The following SUGCT variants were observed in gnomAD, a reference collection of about 807,000 sequenced individuals.
SUGCT encodes succinyl-CoA:glutarate CoA-transferase.
A neutral mutation model predicts 55.0 loss-of-function variants in SUGCT; 41 were observed. The observed-to-expected ratio is 0.74, with a 90% CI of 0.58 to 0.97. The LOEUF is 0.97. Ranked by LOEUF, SUGCT falls within the 50% of genes least tolerant of loss-of-function variation. The pLI is 0.00. For missense variants in SUGCT, 568 were observed against 547.8 expected (o/e 1.04, Z -0.37); for synonymous variants, 187 against 200.4 (o/e 0.93, Z 0.56).
chr7:40,405,495 A>C (rs934218627), intron 9 of SUGCT, among the ~76,000 whole-genome samples: 18 of 152,248 alleles, frequency 1.2e-4, no homozygotes, highest in African/African-American at 4.1e-4. Flanking sequence ...AGTATAGAAA[A>C]TATTTTACAA....
chr7:40,153,988 A>G (rs771919556), intron 1 of SUGCT: 6 of 277,964 alleles, frequency 2.2e-5, no homozygotes, highest in Non-Finnish European at 3.6e-5. Context: ...TGTACTCAGG[A>G]CGCGAAATGC....
intron 9 of SUGCT, among the ~76,000 whole-genome samples, chr7:40,319,996 T>G (rs1795641832): frequency 6.6e-6 from 1 of 152,070 alleles, no homozygotes; most frequent in Non-Finnish European, 1.5e-5. Context: ...AGGTTTCAGA[T>G]TTTTAAAAAA....
chr7:40,868,575 C>T, the SUGCT span, among the ~76,000 whole-genome samples: 51 of 152,248 alleles, frequency 3.3e-4, 1 homozygote, highest in East Asian at 9.1e-3. Context: ...GAGGTGAGCG[C>T]TTGCTCTGTC....
At chr7:40,720,355 A>G (rs1786261865) in intron 12 of SUGCT, among the ~76,000 whole-genome samples, 1 of 152,256 alleles carries the variant, frequency 6.6e-6, no homozygotes, top group Non-Finnish European at 1.5e-5. Context: ...ATCTTGGATT[A>G]CTTTTACATA....
At chr7:40,342,191 T>C (rs1468835569) in intron 9 of SUGCT, among the ~76,000 whole-genome samples, 19 of 152,226 alleles carry the variant, frequency 1.2e-4, no homozygotes. Context: ...AACTTGATTT[T>C]TGAACCTCTC....
chr7:40,568,663 A>T (rs762622623), intron 12 of SUGCT, among the ~76,000 whole-genome samples: 8 of 152,168 alleles, frequency 5.3e-5, no homozygotes, highest in Non-Finnish European at 1.2e-4. Context: ...TGACATTGTA[A>T]TGATGCTATG....
chr7:40,241,161 C>T (rs766356239), intron 7 of SUGCT, among the ~76,000 whole-genome samples: 3 of 152,140 alleles, frequency 2.0e-5, no homozygotes, highest in Non-Finnish European at 2.9e-5. Flanking sequence ...ATATTTCTCT[C>T]TTGAAATCGA....
chr7:41,015,686 A>G, the SUGCT span, among the ~76,000 whole-genome samples: 11 of 152,204 alleles, frequency 7.2e-5, no homozygotes, highest in African/African-American at 2.7e-4. Context: ...GAAACTTTCT[A>G]TAGGAGGTTC....
chr7:40,932,620 T>C, the SUGCT span, among the ~76,000 whole-genome samples: 1 of 152,270 alleles, frequency 6.6e-6, no homozygotes, highest in Admixed American at 6.5e-5. Flanking sequence ...ATATTGGGTG[T>C]GTATATATTT....
chr7:40,592,804 T>C (rs1489483115), intron 12 of SUGCT, among the ~76,000 whole-genome samples: 1 of 151,972 alleles, frequency 6.6e-6, no homozygotes, highest in Non-Finnish European at 1.5e-5. Flanking sequence ...ATCAAGGAGG[T>C]AAAGAGAGAT....
chr7:40,864,412 A>G (rs189703820), downstream of SUGCT, among the ~76,000 whole-genome samples: 3 of 152,256 alleles, frequency 2.0e-5, no homozygotes, highest in Non-Finnish European at 4.4e-5. Context: ...TCAGCCTCCC[A>G]AAGTGCTAGG....
chr7:40,146,380 C>T lies in SUGCT; in HGVS notation c.100+11260C>T, dbSNP rs577708420. Among the ~76,000 whole-genome samples, 5 of 152,254 alleles carry T rather than the reference C, an allele frequency of 3.3e-5. No homozygotes were observed. In the South Asian group the frequency reaches 8.3e-4, roughly 25 times the overall value. ...AGTCATGGAGACCCTAACCCAGTGT[C>T]GCTAGAGGAAGTAAAGACACACACG... is the stretch of plus-strand genomic sequence containing the variant. On this transcript the variant is annotated intron_variant, in intron 1 of 13. Coordinates refer to ENST00000335693, the MANE Select transcript of SUGCT (RefSeq NM_001193313.2).
At chr7:40,476,648 T>A (rs1191456161) in intron 11 of SUGCT, among the ~76,000 whole-genome samples, 5 of 152,150 alleles carry the variant, frequency 3.3e-5, no homozygotes, top group Non-Finnish European at 7.3e-5. Context: ...TATTTCATAG[T>A]ATACTAAGGG....
intron 1 of SUGCT, among the ~76,000 whole-genome samples, chr7:40,146,974 C>T (rs140770133): frequency 1.3e-5 from 2 of 152,126 alleles, no homozygotes; most frequent in Admixed American, 1.3e-4. Flanking sequence ...CTTTGACTTC[C>T]TGTCTCTTTC....
intron 12 of SUGCT, among the ~76,000 whole-genome samples, chr7:40,559,794 C>T (rs1383087233): frequency 6.6e-6 from 1 of 152,166 alleles, no homozygotes; most frequent in African/African-American, 2.4e-5. Flanking sequence ...AAAGAAAATG[C>T]AATAGCAACA....
At chr7:40,699,815 G>C (rs995872716) in intron 12 of SUGCT, among the ~76,000 whole-genome samples, 1 of 152,080 alleles carries the variant, frequency 6.6e-6, no homozygotes, top group Admixed American at 6.5e-5. Context: ...GCTGCAGTGA[G>C]CCACTACACT....
chr7:41,014,742 C>T, the SUGCT span, among the ~76,000 whole-genome samples: 1 of 152,274 alleles, frequency 6.6e-6, no homozygotes, highest in East Asian at 1.9e-4. Flanking sequence ...AACATAAGAT[C>T]CCTAAGAAAA....
At chr7:40,410,938 C>T (rs1786640513) in intron 9 of SUGCT, among the ~76,000 whole-genome samples, 1 of 152,040 alleles carries the variant, frequency 6.6e-6, no homozygotes, top group South Asian at 2.1e-4. Context: ...ATGAATTACA[C>T]CTTATATAAG....
At chr7:40,197,101 T>C (rs1252608341) in intron 6 of SUGCT, among the ~76,000 whole-genome samples, 3 of 152,126 alleles carry the variant, frequency 2.0e-5, no homozygotes, top group African/African-American at 7.2e-5. Context: ...TCCCAAAGTG[T>C]TGGGATTACA....
Sources: allele counts gnomAD v4.1 joint callset (sites outside exome capture counted in the v4.1 genomes callset), GRCh38; gene constraint gnomAD v4.1.1; transcripts MANE v1.5; gene names NCBI Gene and HGNC (gene_info 2026-07-23, HGNC 2026-07-21).